CC2D2B: variants seen among roughly 807,000 people sequenced by gnomAD.
CC2D2B encodes protein CC2D2B.
A neutral mutation model predicts 161.2 loss-of-function variants in CC2D2B; 128 were observed. That is an observed-to-expected ratio of 0.79 (90% CI 0.69 to 0.92). The LOEUF (loss-of-function observed/expected upper bound fraction) is 0.92, where lower values mean the gene tolerates loss of function less well. CC2D2B is among the 40% of genes least tolerant of loss of function. The pLI is 0.00. For synonymous variants in CC2D2B, 391 were observed against 449.8 expected (o/e 0.87, Z 1.65); for missense variants, 1,173 against 1,375.1 (o/e 0.85, Z 2.32).
intron 6 of CC2D2B, among the ~76,000 whole-genome samples, chr10:95,931,435 G>A (rs2098549904): frequency 1.3e-5 from 2 of 152,060 alleles, no homozygotes; most frequent in Non-Finnish European, 2.9e-5. Context: ...TTTTGAATTT[G>A]TTTGCTCATG....
In CC2D2B at chr10:95,982,000, A is replaced by C; in HGVS notation, c.1969A>C (p.Ser657Arg). 1 of 1,230,602 alleles carries C rather than the reference A, an allele frequency of 8.1e-7. No homozygotes were observed. Among genetic ancestry groups the C allele is most frequent in the Non-Finnish European group, 1.0e-6 (1 of 986,622 alleles). The allele number at this position is 1,230,602 out of a possible 1,614,324, so 76.2% of individuals were successfully genotyped here. Residue 657 changes from serine to arginine, a missense_variant, in exon 18 of 35, where the codon AGT becomes CGT. Physicochemically the swap from Ser to Arg is moderately radical, Grantham distance 110 (BLOSUM62 -1). This residue lies in a region of CC2D2B where 277 missense variants were observed against 420.6 expected (regional missense o/e 0.66). Coordinates refer to ENST00000646931, the MANE Select transcript of CC2D2B (RefSeq NM_001349008.3). ...TATGTTAAGGAATGTAGATGCAAGA[A>C]GTGTTCCTGGAATTCCATGGCTCAT... Reference protein sequence around the residue: ...CSMLRNVDARSVPGIPWLMNE... With the variant: ...CSMLRNVDARRVPGIPWLMNE...
In CC2D2B at chr10:95,926,852, G is replaced by GTC. The variant is rs1412413602; in HGVS notation, c.241-384_241-383insCT. On this transcript the variant is annotated intron_variant, in intron 5 of 34. Coordinates refer to ENST00000646931, the MANE Select transcript of CC2D2B (RefSeq NM_001349008.3). Reference sequence around the variant, plus strand: ...TGTGTGTGTGTGTGTGTGTGTCTGTGTGTGTGTGTGTGTGTGTGTGTGCGC... The same window carrying GTC: ...TGTGTGTGTGTGTGTGTGTGTCTGTGTCTGTGTGTGTGTGTGTGTGTGTGCGC... Among the ~76,000 whole-genome samples the GTC allele has an allele frequency of 5.9e-4, 89 of 150,262 alleles. 1 individual carries two copies. Among genetic ancestry groups the GTC allele is most frequent in the African/African-American group, 2.0e-3 (80 of 41,024 alleles).
intron 30 of CC2D2B, among the ~76,000 whole-genome samples, chr10:96,018,390 T>C (rs1020030785): frequency 3.3e-5 from 5 of 152,238 alleles, no homozygotes; most frequent in Non-Finnish European, 7.3e-5. Flanking sequence ...TTAATGGCTT[T>C]TTAACTTTAC....
chr10:95,975,325 A>G (rs1156395689), intron 17 of CC2D2B, among the ~76,000 whole-genome samples: 1 of 152,224 alleles, frequency 6.6e-6, no homozygotes, highest in Non-Finnish European at 1.5e-5. Context: ...GAGTTCATAA[A>G]TGCTTTTCTT....
At position 96,023,739 on chromosome 10, in the gene CC2D2B, T is replaced by G. The variant is rs536180892; in HGVS notation, c.3889-1114T>G. Among the ~76,000 whole-genome samples the G allele has an allele frequency of 2.6e-5, 4 of 152,282 alleles. No homozygotes were observed. In the East Asian group the frequency reaches 7.7e-4, roughly 29 times the overall value. On this transcript the variant is annotated intron_variant, in intron 32 of 34. Coordinates refer to ENST00000646931, the MANE Select transcript of CC2D2B (RefSeq NM_001349008.3). ...GCTCCTCCCTGTGCCTGGGACCATC[T>G]CTAATCCAGTGCTCCTCCACCATGG...
intron 15 of CC2D2B, among the ~76,000 whole-genome samples, chr10:95,971,243 G>T (rs2077117262): frequency 6.6e-6 from 1 of 151,940 alleles, no homozygotes; most frequent in Non-Finnish European, 1.5e-5. Context: ...ACAAAAATTA[G>T]CCAGGTGTGG....
chr10:95,943,772 C>T (rs1214226794), intron 9 of CC2D2B, among the ~76,000 whole-genome samples: 2 of 151,834 alleles, frequency 1.3e-5, no homozygotes, highest in African/African-American at 4.8e-5. Flanking sequence ...TTTAGTCTTG[C>T]CTCTTATTAT....
intron 6 of CC2D2B, among the ~76,000 whole-genome samples, chr10:95,928,204 G>A (rs893216572): frequency 7.5e-5 from 11 of 147,148 alleles, no homozygotes; most frequent in African/African-American, 2.0e-4. Flanking sequence ...TTTCATTCTC[G>A]TTTTGTTATT....
intron 11 of CC2D2B, among the ~76,000 whole-genome samples, chr10:95,960,987 G>A (rs557261902): frequency 9.1e-4 from 139 of 152,162 alleles, no homozygotes; most frequent in African/African-American, 3.2e-3. Flanking sequence ...CTTTGGAACC[G>A]TCCAAATAGA....
Position 96,027,249 on chromosome 10 carries a change from C to T in CC2D2B, c.3985C>T (p.Arg1329Ter), listed in dbSNP as rs976763391. Residue 1329 changes from arginine (R) to a stop codon, truncating the protein, a stop_gained, in exon 34 of 35, where the codon CGA (arginine) becomes TGA (stop). Coordinates refer to ENST00000646931, the MANE Select transcript of CC2D2B (RefSeq NM_001349008.3). LOFTEE classifies it high-confidence loss of function. ...TCTGAAGAGTAAAGTGATGGAATGG[C>T]GACCTAAACACCCAACACATTGGAA... ...RTLKSKVMEW[R>*]PKHPTHWNRQ... 1.3e-4 allele frequency: 200 copies of T among 1,546,214 alleles called. No homozygotes were observed. Among genetic ancestry groups the T allele is most frequent in the Non-Finnish European group, 1.7e-4 (189 of 1,144,758 alleles).
chr10:95,949,665 AAAATT>A (rs1242267373), intron 9 of CC2D2B, among the ~76,000 whole-genome samples: 1 of 102,336 alleles, frequency 9.8e-6, no homozygotes, highest in Non-Finnish European at 2.1e-5. Context: ...AATAAAAAAA[AAAATT>A]AAAAAAAAAA....
chr10:96,005,539 C>T (rs2141815434), intron 25 of CC2D2B, among the ~76,000 whole-genome samples: 1 of 152,238 alleles, frequency 6.6e-6, no homozygotes, highest in East Asian at 1.9e-4. Flanking sequence ...TATCACTGAA[C>T]ATTATTTTGT....
chr10:95,999,913 G>A, intron 24 of CC2D2B: 1 of 518,124 alleles, frequency 1.9e-6, no homozygotes, highest in East Asian at 4.7e-5. Flanking sequence ...TTCTTTTTCT[G>A]ATCATTTTCC....
Position 95,974,159 on chromosome 10 carries a change from A to G in CC2D2B, c.1943+3A>G, listed in dbSNP as rs760018619. 18 of 1,227,026 alleles carry G rather than the reference A, an allele frequency of 1.5e-5. No individual in the cohort carries two copies. Among genetic ancestry groups the G allele is most frequent in the Non-Finnish European group, 1.8e-5 (18 of 983,478 alleles). 76.0% of individuals were successfully genotyped at this position (1,227,026 alleles called of 1,614,324 possible). On this transcript the variant is annotated splice_donor_region_variant and intron_variant, in intron 17 of 34. Transcript: ENST00000646931. ...TCATTAAGATCTTCTTACTGCAGGTAATAAACTTTTATCTTTGAAAAATAA... is the reference window on the plus strand; with the variant it reads ...TCATTAAGATCTTCTTACTGCAGGTGATAAACTTTTATCTTTGAAAAATAA...
chr10:96,015,704 C>T (rs1181723617), intron 29 of CC2D2B, among the ~76,000 whole-genome samples: 1 of 152,130 alleles, frequency 6.6e-6, no homozygotes, highest in South Asian at 2.1e-4. Context: ...GAGTTGAAGA[C>T]GTTTCAGTCA....
chr10:95,962,136 A>C (rs1341520945), intron 12 of CC2D2B, among the ~76,000 whole-genome samples, 167 bp downstream of exon 12: 1 of 151,830 alleles, frequency 6.6e-6, no homozygotes, highest in Non-Finnish European at 1.5e-5. Context: ...ATATATATGC[A>C]TATATATGTT....
chr10:96,011,026 A>T (rs1468848667), intron 26 of CC2D2B, among the ~76,000 whole-genome samples: 15 of 152,196 alleles, frequency 9.9e-5, no homozygotes. Context: ...GTGTCATAGT[A>T]GTACATAAAT....
At chr10:95,927,706 CT>C (rs200310434) in intron 6 of CC2D2B, among the ~76,000 whole-genome samples, 2,769 of 143,146 alleles carry the variant, frequency 0.019, 72 homozygotes, top group Admixed American at 0.057. Flanking sequence ...TTCTTTCTTT[CT>C]TTTTTTTTTT....
intron 21 of CC2D2B, 109 bp downstream of exon 21, chr10:95,991,570 C>T (rs957294890): frequency 2.0e-5 from 7 of 351,682 alleles, no homozygotes; most frequent in South Asian, 1.5e-4. Context: ...TCAAAAGATG[C>T]GGTTTCAGAT....
Sources: gnomAD v4.1 joint callset for allele counts (sites outside exome capture counted in the v4.1 genomes callset) on GRCh38, gnomAD v4.1.1 for gene constraint, gnomAD v4.1.1 regional missense constraint, MANE v1.5 for transcripts, NCBI Gene and HGNC (gene_info 2026-07-23, HGNC 2026-07-21) for gene names.